The following EVI5 variants were observed in gnomAD, a reference collection of about 807,000 sequenced individuals.
EVI5 encodes the protein ecotropic viral integration site 5.
A neutral mutation model predicts 112.0 loss-of-function variants in EVI5; 73 were observed. The observed-to-expected ratio is 0.65, with a 90% CI of 0.54 to 0.79. The LOEUF is 0.79. EVI5 is among the 30% of genes least tolerant of loss of function. EVI5 has a pLI of 0.00. For missense variants in EVI5, 900 were observed against 968.8 expected (o/e 0.93, Z 0.94); for synonymous variants, 305 against 319.9 (o/e 0.95, Z 0.50).
chr1:92,617,463 G>A (rs1221605318), intron 16 of EVI5, among the ~76,000 whole-genome samples: 1 of 152,202 alleles, frequency 6.6e-6, no homozygotes, highest in African/African-American at 2.4e-5. Context: ...GACCTCAGCA[G>A]AGGAGGAGTT....
intron 9 of EVI5, among the ~76,000 whole-genome samples, chr1:92,682,813 T>C (rs7416169): frequency 0.93 from 141,161 of 152,258 alleles, 65,543 homozygotes; most frequent in East Asian, 0.97. Context: ...CTACCTGAAA[T>C]TTCCTCCTCT....
intron 13 of EVI5, chr1:92,647,428 C>A: frequency 6.0e-6 from 2 of 331,716 alleles, no homozygotes; most frequent in South Asian, 4.2e-5. Context: ...CTGCACCTTC[C>A]AAGCATAGCA....
At chr1:92,767,082 C>CAAAAAAAA (rs35316799) in intron 1 of EVI5, among the ~76,000 whole-genome samples, 1 of 113,238 alleles carries the variant, frequency 8.8e-6, no homozygotes. Context: ...GACTCCCTCT[C>CAAAAAAAA]AAAAAAAAAA....
intron 18 of EVI5, among the ~76,000 whole-genome samples, chr1:92,579,700 A>C (rs191133869): frequency 1.8e-3 from 268 of 152,278 alleles, no homozygotes; most frequent in Non-Finnish European, 3.5e-3. Flanking sequence ...GAGGGGAAAA[A>C]ACTAGAAAAA....
chr1:92,535,747 C>G (rs568774265), intron 19 of EVI5, among the ~76,000 whole-genome samples: 1 of 151,314 alleles, frequency 6.6e-6, no homozygotes, highest in African/African-American at 2.4e-5. Context: ...CATCACACAC[C>G]GGGGCCTGTC....
intron 9 of EVI5, among the ~76,000 whole-genome samples, chr1:92,685,201 C>T (rs998287986): frequency 1.3e-5 from 2 of 152,126 alleles, no homozygotes; most frequent in Non-Finnish European, 2.9e-5. Flanking sequence ...TCACAACAAA[C>T]GGTCTCTCAG....
intron 2 of EVI5, among the ~76,000 whole-genome samples, chr1:92,717,424 A>G (rs938835403): frequency 2.6e-5 from 4 of 152,190 alleles, no homozygotes; most frequent in East Asian, 1.9e-4. Context: ...TCAACACAGA[A>G]TTTCATATCC....
upstream of EVI5, among the ~76,000 whole-genome samples, chr1:92,788,117 C>G (rs1038784571): frequency 6.6e-6 from 1 of 151,954 alleles, no homozygotes; most frequent in Non-Finnish European, 1.5e-5. Flanking sequence ...TAGGTATATT[C>G]ACTTATCAAA....
chr1:92,622,020 C>G (rs1654702117), intron 16 of EVI5, among the ~76,000 whole-genome samples: 1 of 151,776 alleles, frequency 6.6e-6, no homozygotes, highest in Non-Finnish European at 1.5e-5. Flanking sequence ...ACTTGGGAGG[C>G]TGAGGAGGAG....
In EVI5 at chr1:92,539,560, A is replaced by AC. The variant is rs34724748; in HGVS notation, c.2166+24081_2166+24082insG. On this transcript the variant is annotated intron_variant, in intron 19 of 19. Transcript: ENST00000684568. ...TCCATCTCAAAAAAAAAAAAAAAAAAAAAAAATCTTGAACCCATTCTCCCA... is the reference window on the plus strand; with the variant it reads ...TCCATCTCAAAAAAAAAAAAAAAAAACAAAAAATCTTGAACCCATTCTCCCA... 5.8e-5 allele frequency among the ~76,000 whole-genome samples: 8 copies of AC among 137,730 alleles called. 2 individuals are homozygous for AC. In the South Asian group the frequency reaches 6.7e-4, roughly 12 times the overall value. 90.4% of individuals were successfully genotyped at this position (137,730 alleles called of 152,430 possible).
intron 18 of EVI5, among the ~76,000 whole-genome samples, chr1:92,600,777 C>T (rs1648989829): frequency 6.6e-6 from 1 of 152,196 alleles, no homozygotes; most frequent in African/African-American, 2.4e-5. Context: ...TGCCCGCTCA[C>T]CTCCTGCTGT....
intron 9 of EVI5, among the ~76,000 whole-genome samples, chr1:92,686,061 A>G (rs1474276228): frequency 1.3e-5 from 2 of 152,220 alleles, no homozygotes; most frequent in East Asian, 1.9e-4. Context: ...GGCTAGCATC[A>G]TCCTGATACC....
intron 19 of EVI5, among the ~76,000 whole-genome samples, chr1:92,526,752 G>C (rs1308533838): frequency 1.3e-5 from 2 of 152,136 alleles, no homozygotes; most frequent in Non-Finnish European, 2.9e-5. Context: ...CAACCATTTT[G>C]TATTCTACTG....
At chr1:92,607,543 A>C in intron 17 of EVI5, 38 bp downstream of exon 17, 1 of 1,459,166 alleles carries the variant, frequency 6.9e-7, no homozygotes, top group Admixed American at 2.4e-5. Flanking sequence ...GCATTATTAT[A>C]TTGACAAAAA....
rs1199410891 is a variant in EVI5, at chr1:92,680,556, A to G, written c.1098-3338T>C. ...GGGAGTGGGAAAATCATAAATGGAT[A>G]TAAAACTGGTATGGTTAAGTTTGGT... On this transcript the variant is annotated intron_variant, in intron 9 of 19. Transcript: ENST00000684568. 5.3e-5 allele frequency among the ~76,000 whole-genome samples: 8 copies of G among 152,206 alleles called. No individual in the cohort carries two copies. The East Asian group carries it at 1.5e-3, about 29-fold the overall frequency.
chr1:92,586,881 T>C (rs1319636201), intron 18 of EVI5, among the ~76,000 whole-genome samples: 3 of 152,032 alleles, frequency 2.0e-5, no homozygotes, highest in Admixed American at 1.3e-4. Flanking sequence ...TCCCCTTCAC[T>C]GGAGAATGGT....
chr1:92,705,410 G>T (rs1671806810), intron 2 of EVI5, among the ~76,000 whole-genome samples: 1 of 152,308 alleles, frequency 6.6e-6, no homozygotes, highest in African/African-American at 2.4e-5. Flanking sequence ...TTCCTGCACA[G>T]TAAGAACAGG....
intron 1 of EVI5, chr1:92,756,295 T>A (rs996974010): frequency 6.5e-6 from 3 of 463,382 alleles, no homozygotes; most frequent in Non-Finnish European, 1.3e-5. Flanking sequence ...ACAAAACAGA[T>A]CTTCACGATG....
intron 1 of EVI5, among the ~76,000 whole-genome samples, chr1:92,765,325 G>A (rs1682460910): frequency 6.7e-6 from 1 of 149,132 alleles, no homozygotes; most frequent in Non-Finnish European, 1.5e-5. Flanking sequence ...AAAGTGCTGG[G>A]ATTATGGGCG....
Sources: gnomAD v4.1 joint callset for allele counts (sites outside exome capture counted in the v4.1 genomes callset) on GRCh38, gnomAD v4.1.1 for gene constraint, MANE v1.5 for transcripts, NCBI Gene and HGNC (gene_info 2026-07-23, HGNC 2026-07-21) for gene names.